Variants in CNRIP1 observed in about 807,000 individuals in gnomAD.
CNRIP1 encodes CB1 cannabinoid receptor-interacting protein 1.
In CNRIP1, 10 loss-of-function variants were observed where a neutral mutation model predicts 15.2. The ratio of observed to expected loss-of-function variants is 0.66; its 90% CI spans 0.41 to 1.12. CNRIP1 has a LOEUF of 1.12. Ranked by LOEUF, CNRIP1 falls within the 50% of genes most tolerant of loss-of-function variation. CNRIP1 has a pLI of 0.00. For synonymous variants in CNRIP1, 91 were observed against 83.2 expected (o/e 1.09, Z -0.51); for missense variants, 211 against 214.7 (o/e 0.98, Z 0.11).
downstream of CNRIP1, among the ~76,000 whole-genome samples, chr2:68,288,034 G>A (rs1476119368): frequency 1.3e-5 from 2 of 151,318 alleles, no homozygotes; most frequent in Non-Finnish European, 2.9e-5. Flanking sequence ...CTAACAGATT[G>A]CAAACTTCTT....
intron 1 of CNRIP1, among the ~76,000 whole-genome samples, chr2:68,318,538 G>A (rs1672364401): frequency 6.6e-6 from 1 of 152,188 alleles, no homozygotes; most frequent in African/African-American, 2.4e-5. Flanking sequence ...TCCTCTTGCT[G>A]TGGGGATGTT....
At chr2:68,285,668 A>AAAAAAAAAAG (rs539747999) in intron 2 of CNRIP1, among the ~76,000 whole-genome samples, 17 of 124,448 alleles carry the variant, frequency 1.4e-4, no homozygotes, top group Non-Finnish European at 2.3e-4. Flanking sequence ...AAAAAAAAAA[A>AAAAAAAAAAG]AAAAGAAAAG....
In CNRIP1 at chr2:68,319,521, C is replaced by G; in HGVS notation, c.-121G>C. 9.3e-6 allele frequency: 10 copies of G among 1,071,846 alleles called. No individual in the cohort carries two copies. Among genetic ancestry groups the G allele is most frequent in the Non-Finnish European group, 1.3e-5 (10 of 787,852 alleles). The allele number at this position is 1,071,846 out of a possible 1,614,324, so 66.4% of individuals were successfully genotyped here. A position where few individuals can be genotyped will look rare whatever the true frequency, so the allele number is the denominator to read the frequency against. ...GGGGAGGGTGAGGGAGGTGGTGGAG[C>G]TGAGGCTGCCGCTAGGAACCCGCGC... is the stretch of plus-strand genomic sequence containing the variant. On this transcript the variant is annotated 5_prime_UTR_variant, in exon 1 of 3. Coordinates refer to ENST00000263655, the MANE Select transcript of CNRIP1 (RefSeq NM_015463.3).
At chr2:68,312,494 C>T (rs1169471869) in intron 2 of CNRIP1, among the ~76,000 whole-genome samples, 1 of 152,086 alleles carries the variant, frequency 6.6e-6, no homozygotes, top group Admixed American at 6.5e-5. Context: ...CAATAAAGAA[C>T]CTTACAGCTA....
chr2:68,311,183 A>G (rs1008809320), intron 2 of CNRIP1, among the ~76,000 whole-genome samples: 2 of 148,368 alleles, frequency 1.3e-5, no homozygotes, highest in Admixed American at 1.3e-4. Flanking sequence ...TCTAGATTCA[A>G]GAAATTCAGT....
intron 2 of CNRIP1, among the ~76,000 whole-genome samples, chr2:68,308,191 T>G (rs571074663): frequency 5.1e-4 from 77 of 151,504 alleles, no homozygotes; most frequent in African/African-American, 1.6e-3. Context: ...AGATTCTGTC[T>G]CTTATTAAAA....
chr2:68,312,205 C>A (rs965575525), intron 2 of CNRIP1, among the ~76,000 whole-genome samples: 2 of 151,962 alleles, frequency 1.3e-5, no homozygotes, highest in Non-Finnish European at 2.9e-5. Flanking sequence ...CCCCCCGGAA[C>A]ATAGATGTCA....
chr2:68,305,274 A>AGGTGTG (rs1671785647), intron 2 of CNRIP1, among the ~76,000 whole-genome samples: 1 of 120,654 alleles, frequency 8.3e-6, no homozygotes, highest in Non-Finnish European at 1.7e-5. Flanking sequence ...ATATATATAT[A>AGGTGTG]TGTGTGTGTG....
chr2:68,306,950 A>G (rs2103665580), intron 2 of CNRIP1, among the ~76,000 whole-genome samples: 1 of 152,334 alleles, frequency 6.6e-6, no homozygotes, highest in East Asian at 1.9e-4. Context: ...GAAGGCTAGG[A>G]ATGTGTCCCA....
intron 2 of CNRIP1, among the ~76,000 whole-genome samples, chr2:68,286,038 C>T (rs148040829): frequency 2.6e-4 from 40 of 152,290 alleles, no homozygotes; most frequent in African/African-American, 7.7e-4. Context: ...ATTCCCATTA[C>T]CTATATAGGT....
intron 2 of CNRIP1, among the ~76,000 whole-genome samples, chr2:68,297,445 G>A (rs1001081959): frequency 7.9e-5 from 12 of 151,910 alleles, no homozygotes; most frequent in African/African-American, 1.9e-4. Flanking sequence ...GTGTGTGTCT[G>A]TAGTCCCAGA....
In CNRIP1 at chr2:68,297,581, A is replaced by G. The variant is rs551668133; in HGVS notation, c.331-3555T>C. 5.1e-4 allele frequency among the ~76,000 whole-genome samples: 23 copies of G among 45,112 alleles called. No homozygotes were observed. In the East Asian group the frequency reaches 5.6e-3, roughly 11 times the overall value. The allele number at this position is 45,112 out of a possible 152,430, so 29.6% of individuals were successfully genotyped here. ...AGACACTGTCTCAAAAAAAAAAAAA[A>G]AAAAAAAAAAAAAAAAAAGGAAAAA... On this transcript the variant is annotated intron_variant, in intron 2 of 2. Transcript: ENST00000263655.
chr2:68,285,668 A>AAAAAAGAAAAGAAAAGAAAAG (rs539747999), intron 2 of CNRIP1, among the ~76,000 whole-genome samples: 6 of 124,438 alleles, frequency 4.8e-5, no homozygotes, highest in African/African-American at 1.8e-4. Context: ...AAAAAAAAAA[A>AAAAAAGAAAAGAAAAGAAAAG]AAAAGAAAAG....
chr2:68,285,028 G>A (rs1670994415), intron 2 of CNRIP1, among the ~76,000 whole-genome samples: 2 of 152,178 alleles, frequency 1.3e-5, no homozygotes, highest in African/African-American at 4.8e-5. Flanking sequence ...CTCTTTGGAT[G>A]TTCTCCAAGC....
chr2:68,298,771 G>A (rs1671484631), intron 2 of CNRIP1, among the ~76,000 whole-genome samples: 1 of 152,046 alleles, frequency 6.6e-6, no homozygotes, highest in African/African-American at 2.4e-5. Flanking sequence ...TTCTTTTGGA[G>A]CTCTATTTCC....
chr2:68,284,502 C>A (rs1199928371), intron 2 of CNRIP1: 13 of 1,522,304 alleles, frequency 8.5e-6, no homozygotes, highest in Admixed American at 2.1e-5. Flanking sequence ...TAAATAGATA[C>A]CAGAATAAGT....
chr2:68,309,549 T>A (rs990298388), intron 2 of CNRIP1, among the ~76,000 whole-genome samples: 2 of 152,222 alleles, frequency 1.3e-5, no homozygotes. Context: ...GCCTTCTAAT[T>A]GTTCTTTGCT....
chr2:68,300,194 G>A (rs1671551953), intron 2 of CNRIP1, among the ~76,000 whole-genome samples: 1 of 152,144 alleles, frequency 6.6e-6, no homozygotes, highest in Non-Finnish European at 1.5e-5. Flanking sequence ...CTTTTCCTAA[G>A]TGATTGTGCC....
intron 2 of CNRIP1, among the ~76,000 whole-genome samples, chr2:68,302,367 C>T (rs1671642931): frequency 6.6e-6 from 1 of 152,188 alleles, no homozygotes; most frequent in African/African-American, 2.4e-5. Flanking sequence ...CAAACTCTCA[C>T]CAGTCTCCCA....
Sources: allele counts gnomAD v4.1 joint callset (sites outside exome capture counted in the v4.1 genomes callset), GRCh38; gene constraint gnomAD v4.1.1; transcripts MANE v1.5; gene names NCBI Gene and HGNC (gene_info 2026-07-23, HGNC 2026-07-21).